RORA: variants seen among roughly 807,000 people sequenced by gnomAD.
RORA encodes the protein RAR related orphan receptor A, also known as nuclear receptor ROR-alpha.
RORA carries 7 observed loss-of-function variants against 69.5 expected under a neutral mutation model. The ratio of observed to expected loss-of-function variants is 0.10; its 90% CI spans 0.06 to 0.19. The LOEUF (loss-of-function observed/expected upper bound fraction) is 0.19, where lower values mean the gene tolerates loss of function less well. Ranked by LOEUF, RORA falls within the 10% of genes least tolerant of loss-of-function variation. The pLI, the probability that RORA is intolerant of heterozygous loss-of-function variation, is 1.00. For missense variants in RORA, 457 were observed against 663.0 expected, an observed-to-expected ratio of 0.69 and a Z score of 3.41; for synonymous variants, 261 against 240.8, an observed-to-expected ratio of 1.08 and a Z score of -0.78.
intron 1 of RORA, among the ~76,000 whole-genome samples, chr15:60,875,018 T>C (rs1291830751): frequency 6.6e-6 from 1 of 151,996 alleles, no homozygotes; most frequent in Non-Finnish European, 1.5e-5. Flanking sequence ...AACAACATCA[T>C]CAATAACAAC....
chr15:61,196,919 A>G (rs1001956297), intron 1 of RORA, among the ~76,000 whole-genome samples: 11 of 152,222 alleles, frequency 7.2e-5, no homozygotes, highest in African/African-American at 2.7e-4. Context: ...CTGTTATGTA[A>G]CTAAACCCTG....
intron 1 of RORA, among the ~76,000 whole-genome samples, chr15:60,824,378 T>C (rs2072931037): frequency 6.6e-6 from 1 of 152,124 alleles, no homozygotes; most frequent in African/African-American, 2.4e-5. Context: ...CACAATTATC[T>C]CTTTGAGCTT....
At chr15:60,502,622 G>T (rs2065366869) in intron 8 of RORA, 138 bp downstream of exon 8, 4 of 668,076 alleles carry the variant, frequency 6.0e-6, no homozygotes, top group Admixed American at 5.1e-5. Context: ...TGACTAACTA[G>T]AAAGTAAAAT....
At chr15:60,977,581 A>G (rs1893912727) in intron 1 of RORA, among the ~76,000 whole-genome samples, 1 of 152,142 alleles carries the variant, frequency 6.6e-6, no homozygotes, top group African/African-American at 2.4e-5. Flanking sequence ...CATGACCCCA[A>G]AAAGAAACCC....
rs564814678 is a variant in RORA, at chr15:60,677,521, A to C, written c.196+1136T>G. ...TGAGAGAGCCACGTGGAGAGACTGCAGGACAGGGCCCTCAGAGTCAGGCAA... is the reference window on the plus strand; with the variant it reads ...TGAGAGAGCCACGTGGAGAGACTGCCGGACAGGGCCCTCAGAGTCAGGCAA... On this transcript the variant is annotated intron_variant, in intron 2 of 10. Coordinates refer to ENST00000335670, the MANE Select transcript of RORA (RefSeq NM_134261.3). 4.6e-5 allele frequency among the ~76,000 whole-genome samples: 7 copies of C among 151,932 alleles called. No individual in the cohort carries two copies. The South Asian group carries it at 1.5e-3, about 32-fold the overall frequency.
At chr15:60,959,142 C>T (rs954727726) in intron 1 of RORA, among the ~76,000 whole-genome samples, 1 of 152,160 alleles carries the variant, frequency 6.6e-6, no homozygotes, top group African/African-American at 2.4e-5. Context: ...CAGCCATTGC[C>T]ATTAGGTACT....
intron 1 of RORA, among the ~76,000 whole-genome samples, chr15:61,162,131 G>A (rs1382734158): frequency 6.6e-6 from 1 of 152,018 alleles, no homozygotes; most frequent in Non-Finnish European, 1.5e-5. Flanking sequence ...ACGAAAAATG[G>A]CCTTAAAAAT....
At position 61,088,620 on chromosome 15, in the gene RORA, T is replaced by C. The variant is rs113938917; in HGVS notation, c.166+140433A>G. Reference sequence around the variant, plus strand: ...AACTTGCCAAATCCCATAAACCTCATGTCCTCATCAGTAAACAGAACCTCA... The same window carrying C: ...AACTTGCCAAATCCCATAAACCTCACGTCCTCATCAGTAAACAGAACCTCA... On this transcript the variant is annotated intron_variant, in intron 1 of 10. Coordinates refer to ENST00000335670, the MANE Select transcript of RORA (RefSeq NM_134261.3). 5.6e-3 allele frequency among the ~76,000 whole-genome samples: 858 copies of C among 152,196 alleles called. 9 individuals carry two copies. Among genetic ancestry groups the C allele is most frequent in the Middle Eastern group, 0.02 (6 of 294 alleles).
chr15:60,847,130 C>T (rs1394652936), intron 1 of RORA, among the ~76,000 whole-genome samples: 1 of 152,176 alleles, frequency 6.6e-6, no homozygotes, highest in Admixed American at 6.5e-5. Flanking sequence ...CTGTTCTTAA[C>T]CTCTGCCCTT....
At chr15:60,952,329 A>G (rs1893134456) in intron 1 of RORA, among the ~76,000 whole-genome samples, 1 of 152,192 alleles carries the variant, frequency 6.6e-6, no homozygotes, top group African/African-American at 2.4e-5. Context: ...CCCACAGCCA[A>G]TATCATACTG....
At chr15:61,180,690 T>A (rs1431413107) in intron 1 of RORA, among the ~76,000 whole-genome samples, 1 of 152,234 alleles carries the variant, frequency 6.6e-6, no homozygotes, top group Non-Finnish European at 1.5e-5. Context: ...AATTCTGTAT[T>A]TTTGCTGTCT....
At chr15:60,742,211 T>C (rs2071583771) in intron 1 of RORA, among the ~76,000 whole-genome samples, 1 of 152,214 alleles carries the variant, frequency 6.6e-6, no homozygotes, top group Non-Finnish European at 1.5e-5. Context: ...TTGAATGCTG[T>C]TATTCTTTTA....
intron 1 of RORA, among the ~76,000 whole-genome samples, chr15:60,782,410 C>T (rs1272225082): frequency 6.6e-6 from 1 of 152,142 alleles, no homozygotes; most frequent in African/African-American, 2.4e-5. Flanking sequence ...CTGAGATTGA[C>T]GGCATTGTAG....
chr15:60,698,191 G>A (rs2070931971), intron 1 of RORA, among the ~76,000 whole-genome samples: 1 of 152,284 alleles, frequency 6.6e-6, no homozygotes, highest in East Asian at 1.9e-4. Flanking sequence ...AGGAGCGTCA[G>A]TAGCTATAGT....
At chr15:61,168,202 G>A (rs1027166360) in intron 1 of RORA, among the ~76,000 whole-genome samples, 10 of 148,066 alleles carry the variant, frequency 6.8e-5, no homozygotes, top group South Asian at 6.3e-4. Context: ...ATATATACAC[G>A]CGCGTGCGTG....
intron 1 of RORA, among the ~76,000 whole-genome samples, chr15:61,112,104 A>T (rs1437135365): frequency 6.6e-6 from 1 of 152,138 alleles, no homozygotes; most frequent in Non-Finnish European, 1.5e-5. Context: ...CGGTCCTCAA[A>T]TTGGTCATTG....
intron 1 of RORA, among the ~76,000 whole-genome samples, chr15:61,158,826 G>A (rs910999283): frequency 8.5e-5 from 13 of 152,188 alleles, no homozygotes; most frequent in Admixed American, 6.5e-4. Flanking sequence ...TCTGAAGCAC[G>A]TTCTATGGCA....
At chr15:61,189,147 T>C (rs2079772276) in intron 1 of RORA, among the ~76,000 whole-genome samples, 2 of 152,348 alleles carry the variant, frequency 1.3e-5, no homozygotes, top group South Asian at 2.1e-4. Flanking sequence ...CTAAAAGCCA[T>C]GTCTTCTTCA....
intron 1 of RORA, among the ~76,000 whole-genome samples, chr15:60,884,775 A>T (rs902966918): frequency 6.6e-6 from 1 of 152,196 alleles, no homozygotes; most frequent in South Asian, 2.1e-4. Flanking sequence ...GTCTTTACCA[A>T]GAGAAAAATC....
Sources: allele counts gnomAD v4.1 joint callset (sites outside exome capture counted in the v4.1 genomes callset), GRCh38; gene constraint gnomAD v4.1.1; transcripts MANE v1.5; gene names NCBI Gene and HGNC (gene_info 2026-07-23, HGNC 2026-07-21).